GPR180: variants seen among roughly 807,000 people sequenced by gnomAD.
GPR180 encodes G protein-coupled receptor 180, also known as integral membrane protein GPR180.
GPR180 carries 53 observed loss-of-function variants against 52.6 expected under a neutral mutation model. The ratio of observed to expected loss-of-function variants is 1.01; its 90% CI spans 0.81 to 1.27. GPR180 has a LOEUF of 1.27. Ranked by LOEUF, GPR180 falls within the 50% of genes most tolerant of loss-of-function variation. The pLI is 0.00. For synonymous variants in GPR180, 200 were observed against 193.1 expected, an observed-to-expected ratio of 1.04 and a Z score of -0.30; for missense variants, 533 against 527.0, an observed-to-expected ratio of 1.01 and a Z score of -0.11.
At chr13:94,605,203 G>A (rs746066315) in intron 1 of GPR180, among the ~76,000 whole-genome samples, 188 bp from the exon 2 acceptor site, 2 of 152,138 alleles carry the variant, frequency 1.3e-5, no homozygotes, top group Non-Finnish European at 2.9e-5. Flanking sequence ...AATACCACAC[G>A]TTCATTTGAA....
In GPR180 at chr13:94,623,199, C is replaced by T. The variant is rs775687940; in HGVS notation, c.985C>T (p.Leu329=). 1 of 1,613,750 alleles carries T rather than the reference C, an allele frequency of 6.2e-7. No individual in the cohort carries two copies. Among genetic ancestry groups the T allele is most frequent in the African/African-American group, 1.3e-5 (1 of 75,014 alleles). ...CTTAGCAGGGATCCTCCTAATTGTT[C>T]TAAGAATTTGCCTAGCATTGTCATT... ...HNLAGILLIV[L]RICLALSLGC... The change falls in exon 7 of 9, where the codon CTA becomes TTA. Residue 329 remains leucine, a synonymous_variant. Transcript: ENST00000376958.
Position 94,622,982 on chromosome 13 carries a change from A to G in GPR180, c.895-127A>G, listed in dbSNP as rs562063016. On this transcript the variant is annotated intron_variant, in intron 6 of 8. Transcript: ENST00000376958. ...TGAAAAGACTGTACTTTATTAATTA[A>G]CAACCTCTATGGTCTGATAGGAATG... 13 of 659,102 alleles carry G rather than the reference A, an allele frequency of 2.0e-5. 1 individual carries two copies. The highest frequency in any genetic ancestry group is 6.2e-5 in the South Asian group (3 of 48,158). 40.8% of individuals were successfully genotyped at this position (659,102 alleles called of 1,614,324 possible).
chr13:94,609,242 A>G (rs1023722410), intron 2 of GPR180, among the ~76,000 whole-genome samples: 4 of 152,294 alleles, frequency 2.6e-5, no homozygotes, highest in African/African-American at 9.6e-5. Flanking sequence ...TTATAATATG[A>G]TTGGATAATT....
chr13:94,605,588 T>G, intron 2 of GPR180, 39 bp downstream of exon 2: 1 of 1,554,996 alleles, frequency 6.4e-7, no homozygotes. Flanking sequence ...TAGATATAGT[T>G]TTTTTCCTCC....
rs990516783 is a variant in GPR180, at chr13:94,628,368, T to C, written c.*1197T>C. On this transcript the variant is annotated 3_prime_UTR_variant, in exon 9 of 9. Transcript: ENST00000376958. ...ATTAATAGTCACTGATTGGAAATTA[T>C]TCTGTTGCTGTTTGTCAAGCTGTTC... 15 of 152,094 alleles carry C rather than the reference T, an allele frequency of 9.9e-5. No individual in the cohort carries two copies. The highest frequency in any genetic ancestry group is 3.4e-4 in the African/African-American group (14 of 41,442). The allele number at this position is 152,094 out of a possible 1,614,324, so 9.4% of individuals were successfully genotyped here. A position where few individuals can be genotyped will look rare whatever the true frequency, so the allele number is the denominator to read the frequency against.
intron 2 of GPR180, among the ~76,000 whole-genome samples, chr13:94,606,694 T>C (rs145275484): frequency 2.6e-5 from 4 of 152,334 alleles, no homozygotes; most frequent in African/African-American, 9.6e-5. Context: ...AACATCTGGC[T>C]TTTATCTTAT....
At chr13:94,613,523 C>G (rs946981460) in intron 3 of GPR180, among the ~76,000 whole-genome samples, 1 of 152,106 alleles carries the variant, frequency 6.6e-6, no homozygotes, top group African/African-American at 2.4e-5. Context: ...TGGGTTCAAG[C>G]AATCCTCCCA....
intron 7 of GPR180, 50 bp from the exon 8 acceptor site, chr13:94,625,915 CT>C (rs1345064235): frequency 2.8e-6 from 4 of 1,420,576 alleles, no homozygotes; most frequent in Non-Finnish European, 3.9e-6. Flanking sequence ...CTGGTACATG[CT>C]GAAAAAAAGC....
rs1290011430 is a variant in GPR180, at chr13:94,628,386, A to C, written c.*1215A>C. 3 of 152,070 alleles carry C rather than the reference A, an allele frequency of 2.0e-5. No homozygotes were observed. In the East Asian group the frequency reaches 5.8e-4, roughly 29 times the overall value. The allele number at this position is 152,070 out of a possible 1,614,324, so 9.4% of individuals were successfully genotyped here. On this transcript the variant is annotated 3_prime_UTR_variant, in exon 9 of 9. Coordinates refer to ENST00000376958, the MANE Select transcript of GPR180 (RefSeq NM_180989.6). Reference sequence around the variant, plus strand: ...GAAATTATTCTGTTGCTGTTTGTCAAGCTGTTCAGGCCTTTTCCTTTTTAC... The same window carrying C: ...GAAATTATTCTGTTGCTGTTTGTCACGCTGTTCAGGCCTTTTCCTTTTTAC...
rs1411338575 is a variant in GPR180 at position 94,627,969 on chromosome 13, C to T, written c.*798C>T. 6.6e-6 allele frequency: 1 copy of T among 152,348 alleles called. No homozygotes were observed. The highest frequency in any genetic ancestry group is 2.4e-5 in the African/African-American group (1 of 41,398). 9.4% of individuals were successfully genotyped at this position (152,348 alleles called of 1,614,324 possible). A position where few individuals can be genotyped will look rare whatever the true frequency, so the allele number is the denominator to read the frequency against. On this transcript the variant is annotated 3_prime_UTR_variant, in exon 9 of 9. Transcript: ENST00000376958. ...TGATATGGTACTGAAATTTTGATCC[C>T]AATAGAATTCATTTCTCTTACGTTG...
At chr13:94,605,584 T>G (rs547176556) in intron 2 of GPR180, 35 bp downstream of exon 2, 2 of 1,573,618 alleles carry the variant, frequency 1.3e-6, no homozygotes, top group Non-Finnish European at 1.7e-6. Flanking sequence ...TCATTAGATA[T>G]AGTTTTTTTC....
At chr13:94,624,539 T>TA (rs1341665074) in intron 7 of GPR180, among the ~76,000 whole-genome samples, 5 of 152,170 alleles carry the variant, frequency 3.3e-5, no homozygotes, top group Non-Finnish European at 5.9e-5. Flanking sequence ...GTTTAGGCAT[T>TA]AAGTTTTCTT....
At chr13:94,619,099 C>T (rs770825661) in intron 3 of GPR180, 51 bp from the exon 4 acceptor site, 14 of 1,467,464 alleles carry the variant, frequency 9.5e-6, no homozygotes, top group African/African-American at 5.6e-5. Flanking sequence ...CAGCCCAATA[C>T]GATAACTGGC....
intron 3 of GPR180, among the ~76,000 whole-genome samples, chr13:94,617,242 T>C (rs1889790559): frequency 6.6e-6 from 1 of 152,094 alleles, no homozygotes; most frequent in African/African-American, 2.4e-5. Flanking sequence ...TAAAATATTA[T>C]AAATAAATAA....
chr13:94,633,459 G>A lies in GPR180; in HGVS notation c.*6288G>A, dbSNP rs371926868. On this transcript the variant is annotated 3_prime_UTR_variant, in exon 9 of 9. Transcript: ENST00000376958. ...TGATAAATAACTTTTATTCATTATA[G>A]TTTTAATTTGCATTTCTCTTATTAA... 6.6e-6 allele frequency: 1 copy of A among 151,922 alleles called. No homozygotes were observed. Among genetic ancestry groups the A allele is most frequent in the Non-Finnish European group, 1.5e-5 (1 of 67,982 alleles). 9.4% of individuals were successfully genotyped at this position (151,922 alleles called of 1,614,324 possible).
chr13:94,624,265 C>T (rs936630122), intron 7 of GPR180, among the ~76,000 whole-genome samples: 2 of 129,352 alleles, frequency 1.5e-5, no homozygotes, highest in African/African-American at 3.6e-5. Flanking sequence ...TTTAGCCCTG[C>T]GAACCAGCAT....
intron 4 of GPR180, 52 bp from the exon 5 acceptor site, chr13:94,619,416 A>G (rs1889823753): frequency 6.2e-7 from 1 of 1,602,308 alleles, no homozygotes; most frequent in African/African-American, 1.3e-5. Flanking sequence ...CTTTGATTAT[A>G]AACAATTTTT....
intron 1 of GPR180, 126 bp downstream of exon 1, chr13:94,602,198 C>G: frequency 1.1e-6 from 1 of 882,096 alleles, no homozygotes; most frequent in East Asian, 3.3e-5. Flanking sequence ...CCAGCCTCAC[C>G]TGGACCTCCA....
At chr13:94,615,315 A>T (rs1178914850) in intron 3 of GPR180, among the ~76,000 whole-genome samples, 1 of 152,252 alleles carries the variant, frequency 6.6e-6, no homozygotes, top group East Asian at 1.9e-4. Context: ...TTGCCTAATT[A>T]TCTGCTACAA....
Sources: allele counts gnomAD v4.1 joint callset (sites outside exome capture counted in the v4.1 genomes callset), GRCh38; gene constraint gnomAD v4.1.1; transcripts MANE v1.5; gene names NCBI Gene and HGNC (gene_info 2026-07-23, HGNC 2026-07-21).